GAS2: variants seen among roughly 807,000 people sequenced by gnomAD.
The protein encoded by GAS2 is growth arrest specific 2, also known as growth arrest-specific protein 2.
In GAS2, 20 loss-of-function variants were observed where a neutral mutation model predicts 37.5. The ratio of observed to expected loss-of-function variants is 0.53; its 90% confidence interval spans 0.37 to 0.77. The LOEUF (loss-of-function observed/expected upper bound fraction) is 0.77, where lower values mean the gene tolerates loss of function less well. GAS2 is among the 30% of genes least tolerant of loss of function. The pLI is 0.00. For missense variants in GAS2, 336 were observed against 373.4 expected, an observed-to-expected ratio of 0.90 and a Z score of 0.82; for synonymous variants, 144 against 132.2, an observed-to-expected ratio of 1.09 and a Z score of -0.61.
At chr11:22,684,246 C>T (rs2219863) in intron 2 of GAS2, among the ~76,000 whole-genome samples, 84,519 of 152,004 alleles carry the variant, frequency 0.56, 26,074 homozygotes, top group East Asian at 0.76. Flanking sequence ...GCTTAGTTTT[C>T]ATATTCCAGG....
chr11:22,656,872 T>C (rs371230872), intron 1 of GAS2, among the ~76,000 whole-genome samples: 3 of 152,232 alleles, frequency 2.0e-5, no homozygotes, highest in African/African-American at 7.2e-5. Context: ...ATTTTTACTC[T>C]ATTAAACTTC....
chr11:22,731,782 T>C (rs1464174315), intron 4 of GAS2, among the ~76,000 whole-genome samples: 1 of 151,866 alleles, frequency 6.6e-6, no homozygotes, highest in African/African-American at 2.4e-5. Context: ...AAAAGCTATA[T>C]TACTTTTATG....
intron 4 of GAS2, among the ~76,000 whole-genome samples, chr11:22,734,418 A>G (rs1852640205): frequency 6.6e-6 from 1 of 151,682 alleles, no homozygotes; most frequent in South Asian, 2.1e-4. Flanking sequence ...TAAAAGATAA[A>G]CATTTAAAAT....
At chr11:22,654,312 C>G (rs1848830837) in intron 1 of GAS2, among the ~76,000 whole-genome samples, 1 of 151,982 alleles carries the variant, frequency 6.6e-6, no homozygotes, top group African/African-American at 2.4e-5. Context: ...TTTTTAAACC[C>G]CTCTAGTTGA....
intron 1 of GAS2, among the ~76,000 whole-genome samples, chr11:22,651,219 T>C (rs1848771363): frequency 6.6e-6 from 1 of 152,304 alleles, no homozygotes; most frequent in Non-Finnish European, 1.5e-5. Context: ...TTGAAAATTC[T>C]TTTCTTTAAG....
Position 22,768,206 on chromosome 11 carries a change from A to G in GAS2, c.723+12253A>G, listed in dbSNP as rs61892166. 1.1e-3 allele frequency among the ~76,000 whole-genome samples: 160 copies of G among 152,302 alleles called. 1 individual carries two copies. Among genetic ancestry groups the G allele is most frequent in the Non-Finnish European group, 1.9e-3 (130 of 68,024 alleles). Reference sequence around the variant, plus strand: ...GAACAGTGTGTGAAAATTTGGGTTTACATGTTGTCCTAGGAATATATCATT... The same window carrying G: ...GAACAGTGTGTGAAAATTTGGGTTTGCATGTTGTCCTAGGAATATATCATT... On this transcript the variant is annotated intron_variant, in intron 7 of 7. Transcript: ENST00000454584.
intron 3 of GAS2, among the ~76,000 whole-genome samples, chr11:22,688,072 A>G (rs1308415173): frequency 1.3e-5 from 2 of 152,210 alleles, no homozygotes; most frequent in Admixed American, 1.3e-4. Context: ...GACTCAATGT[A>G]AGATAACCCT....
intron 3 of GAS2, among the ~76,000 whole-genome samples, chr11:22,707,776 C>T (rs1383308658): frequency 6.6e-6 from 1 of 152,042 alleles, no homozygotes; most frequent in Non-Finnish European, 1.5e-5. Context: ...ATGGAGAGAA[C>T]GTTTGGCACA....
At chr11:22,729,581 C>T (rs935708807) in intron 4 of GAS2, among the ~76,000 whole-genome samples, 11 of 151,682 alleles carry the variant, frequency 7.3e-5, no homozygotes, top group African/African-American at 2.7e-4. Context: ...CATGTGTTCG[C>T]TACATCCTGA....
chr11:22,805,091 C>T (rs1173332438), intron 7 of GAS2, among the ~76,000 whole-genome samples: 1 of 150,510 alleles, frequency 6.6e-6, no homozygotes, highest in African/African-American at 2.4e-5. Context: ...GGTGAGTGTT[C>T]AATTTTTTTT....
chr11:22,657,286 C>G (rs1177189436), intron 1 of GAS2, among the ~76,000 whole-genome samples: 2 of 152,166 alleles, frequency 1.3e-5, no homozygotes, highest in African/African-American at 2.4e-5. Flanking sequence ...GACAGGGTAA[C>G]AGCAAGCTGG....
At chr11:22,680,051 C>CTA (rs1849608001) in intron 2 of GAS2, among the ~76,000 whole-genome samples, 1 of 151,960 alleles carries the variant, frequency 6.6e-6, no homozygotes, top group African/African-American at 2.4e-5. Context: ...ATTTAAGCAC[C>CTA]TATTTATTAG....
rs1399032645 is a variant in GAS2 at position 22,737,644 on chromosome 11, G to A, written c.410-61G>A. The stretch of plus-strand genomic sequence containing the variant: ...AGGAATGAGGGTCATTGGCAAGCCT[G>A]TGCTGTTGAGCTGCTTATTCCTTCT... On this transcript the variant is annotated intron_variant, in intron 4 of 7. Transcript: ENST00000454584. 7 of 1,488,822 alleles carry A rather than the reference G, an allele frequency of 4.7e-6. No homozygotes were observed. The South Asian group carries it at 5.6e-5, about 12-fold the overall frequency. The allele number at this position is 1,488,822 out of a possible 1,614,324, so 92.2% of individuals were successfully genotyped here.
chr11:22,797,635 A>G (rs760022459), intron 7 of GAS2, among the ~76,000 whole-genome samples: 1 of 152,114 alleles, frequency 6.6e-6, no homozygotes, highest in African/African-American at 2.4e-5. Flanking sequence ...CTCTATCCAG[A>G]TAATGGTAAC....
chr11:22,693,998 A>G (rs1850375871), intron 3 of GAS2, among the ~76,000 whole-genome samples: 1 of 152,142 alleles, frequency 6.6e-6, no homozygotes, highest in South Asian at 2.1e-4. Flanking sequence ...AACAACACAC[A>G]CTGGTGTCTT....
chr11:22,685,880 A>G (rs1849918082), intron 3 of GAS2, 91 bp downstream of exon 3: 3 of 1,276,096 alleles, frequency 2.4e-6, no homozygotes, highest in Non-Finnish European at 3.2e-6. Context: ...ATTTATTGTG[A>G]ACGGATGCAT....
intron 6 of GAS2, among the ~76,000 whole-genome samples, chr11:22,753,112 G>A (rs1203298618): frequency 6.6e-6 from 1 of 152,054 alleles, no homozygotes; most frequent in South Asian, 2.1e-4. Flanking sequence ...ATGAGAGATA[G>A]TATAATTCTG....
At chr11:22,721,452 C>A (rs1230158742) in intron 3 of GAS2, among the ~76,000 whole-genome samples, 1 of 151,946 alleles carries the variant, frequency 6.6e-6, no homozygotes, top group Non-Finnish European at 1.5e-5. Flanking sequence ...TAACTACACC[C>A]AGGGTAACTA....
chr11:22,665,096 T>C (rs936002875), upstream of GAS2, among the ~76,000 whole-genome samples: 4 of 152,112 alleles, frequency 2.6e-5, no homozygotes, highest in East Asian at 1.9e-4. Flanking sequence ...CTCCTTTTTT[T>C]CCCCAAACTG....
Sources: allele counts gnomAD v4.1 joint callset (sites outside exome capture counted in the v4.1 genomes callset), GRCh38; gene constraint gnomAD v4.1.1; transcripts MANE v1.5; gene names NCBI Gene and HGNC (gene_info 2026-07-23, HGNC 2026-07-21).